The following KCNN2 variants were observed in gnomAD, a reference collection of about 807,000 sequenced individuals.
KCNN2 encodes the protein small conductance calcium-activated potassium channel protein 2.
In KCNN2, 24 loss-of-function variants were observed where a neutral mutation model predicts 55.5. The observed-to-expected ratio is 0.43, with a 90% CI of 0.31 to 0.61. The LOEUF is 0.61. Among genes scored for constraint, KCNN2 ranks in the 20% least tolerant of loss-of-function variants. The pLI is 0.08. For missense variants in KCNN2, 754 were observed against 853.6 expected (o/e 0.88, Z 1.45); for synonymous variants, 431 against 336.1 (o/e 1.28, Z -3.09).
At chr5:114,116,957 A>G (rs1267992481) in intron 1 of KCNN2, among the ~76,000 whole-genome samples, 1 of 152,138 alleles carries the variant, frequency 6.6e-6, no homozygotes, top group Non-Finnish European at 1.5e-5. Flanking sequence ...GGAGACAGTC[A>G]GACAGGTCTT....
chr5:114,182,057 T>C lies in KCNN2; in HGVS notation c.-270-39423T>C, dbSNP rs1001546495. On this transcript the variant is annotated intron_variant, in intron 1 of 10. Coordinates refer to the KCNN2 transcript ENST00000512097. ...TTGTGTATGTAAGGTGTGGGTTAGA[T>C]TTGATATTTTTAAAAATATGGATAT... Among the ~76,000 whole-genome samples, 8 of 152,290 alleles carry C rather than the reference T, an allele frequency of 5.3e-5. 2 individuals are homozygous for C. In the South Asian group the frequency reaches 1.0e-3, roughly 20 times the overall value.
chr5:114,274,450 G>T (rs1393248802), intron 2 of KCNN2, among the ~76,000 whole-genome samples: 6 of 152,146 alleles, frequency 3.9e-5, no homozygotes, highest in Admixed American at 3.3e-4. Flanking sequence ...TCATGATATT[G>T]ATTTTTCCTA....
chr5:114,176,667 T>A (rs937956431), intron 1 of KCNN2, among the ~76,000 whole-genome samples: 1 of 152,194 alleles, frequency 6.6e-6, no homozygotes, highest in Non-Finnish European at 1.5e-5. Flanking sequence ...ATGTCAAAGG[T>A]GTTCTTCTAC....
intron 3 of KCNN2, among the ~76,000 whole-genome samples, chr5:114,455,017 T>C (rs1760858328): frequency 6.6e-6 from 1 of 152,212 alleles, no homozygotes; most frequent in Non-Finnish European, 1.5e-5. Flanking sequence ...CTGGCTCTCT[T>C]GGGATTTTTT....
chr5:114,234,172 T>C (rs898115039), intron 2 of KCNN2, among the ~76,000 whole-genome samples: 7 of 152,230 alleles, frequency 4.6e-5, no homozygotes, highest in African/African-American at 1.7e-4. Flanking sequence ...GGAAGTTTTC[T>C]TCTGAATCCT....
At chr5:114,265,111 A>G (rs946617773) in intron 2 of KCNN2, among the ~76,000 whole-genome samples, 3 of 152,148 alleles carry the variant, frequency 2.0e-5, no homozygotes, top group African/African-American at 7.2e-5. Flanking sequence ...CTTGGTGAGG[A>G]GGTAGTATTT....
At chr5:114,115,689 GA>G (rs942562893) in intron 1 of KCNN2, among the ~76,000 whole-genome samples, 5 of 150,264 alleles carry the variant, frequency 3.3e-5, no homozygotes, top group South Asian at 2.1e-4. Context: ...CCCACTGAGG[GA>G]AAAAAAAAGG....
chr5:114,439,056 A>C (rs1332994725), intron 3 of KCNN2, among the ~76,000 whole-genome samples: 1 of 152,212 alleles, frequency 6.6e-6, no homozygotes, highest in Non-Finnish European at 1.5e-5. Context: ...ACAGTACATA[A>C]AAAAATCTGA....
At chr5:114,342,560 G>T (rs1757035490) in intron 2 of KCNN2, among the ~76,000 whole-genome samples, 1 of 152,186 alleles carries the variant, frequency 6.6e-6, no homozygotes, top group Non-Finnish European at 1.5e-5. Flanking sequence ...AGGCTTTCCA[G>T]AGTAAAGCCT....
intron 2 of KCNN2, among the ~76,000 whole-genome samples, chr5:114,353,833 C>T (rs1479722178): frequency 6.6e-6 from 1 of 151,882 alleles, no homozygotes; most frequent in Non-Finnish European, 1.5e-5. Flanking sequence ...CTCTCCTGTA[C>T]TTGGCATGTT....
intron 2 of KCNN2, among the ~76,000 whole-genome samples, chr5:114,348,149 G>A (rs1757146379): frequency 6.6e-6 from 1 of 151,964 alleles, no homozygotes; most frequent in South Asian, 2.1e-4. Context: ...TTTCTAAATT[G>A]CCACCAAAAA....
At chr5:114,134,569 G>A (rs1752135871) in intron 1 of KCNN2, among the ~76,000 whole-genome samples, 1 of 151,468 alleles carries the variant, frequency 6.6e-6, no homozygotes. Flanking sequence ...TCCGCCCTCC[G>A]AGTTCAAGCC....
intron 6 of KCNN2, among the ~76,000 whole-genome samples, chr5:114,491,658 T>C (rs753342650): frequency 4.2e-4 from 64 of 152,022 alleles, no homozygotes; most frequent in Non-Finnish European, 5.4e-4. Flanking sequence ...ATCTTAAGTA[T>C]CACTTAAAGG....
intron 1 of KCNN2, among the ~76,000 whole-genome samples, chr5:114,188,837 G>A (rs1039561239): frequency 6.6e-6 from 1 of 152,160 alleles, no homozygotes; most frequent in Admixed American, 6.5e-5. Flanking sequence ...TATACAACCT[G>A]TTCCTGGAGG....
intron 1 of KCNN2, among the ~76,000 whole-genome samples, chr5:114,138,236 A>T (rs895589785): frequency 6.6e-6 from 1 of 152,164 alleles, no homozygotes; most frequent in Non-Finnish European, 1.5e-5. Flanking sequence ...AGGTACCAAG[A>T]GAGTATTCTG....
At chr5:114,177,532 G>A (rs1281235913) in intron 1 of KCNN2, among the ~76,000 whole-genome samples, 2 of 151,522 alleles carry the variant, frequency 1.3e-5, no homozygotes, top group African/African-American at 4.8e-5. Flanking sequence ...TAGCCTTGGG[G>A]GACTTGTGAA....
chr5:114,450,307 C>T (rs973963804), intron 3 of KCNN2, among the ~76,000 whole-genome samples: 5 of 152,130 alleles, frequency 3.3e-5, no homozygotes, highest in African/African-American at 1.2e-4. Context: ...TGGGCCTGGT[C>T]GAGCATGGCT....
At chr5:114,448,346 C>A (rs114785443) in intron 3 of KCNN2, among the ~76,000 whole-genome samples, 1 of 152,114 alleles carries the variant, frequency 6.6e-6, no homozygotes, top group Non-Finnish European at 1.5e-5. Context: ...TGGGTCTTAG[C>A]GGTGATGGTT....
intron 1 of KCNN2, among the ~76,000 whole-genome samples, chr5:114,187,767 A>G (rs1753368151): frequency 6.6e-6 from 1 of 151,616 alleles, no homozygotes; most frequent in East Asian, 1.9e-4. Context: ...CGGCCTCCCA[A>G]AGTGCTAGGT....
Sources: allele counts gnomAD v4.1 joint callset (sites outside exome capture counted in the v4.1 genomes callset), GRCh38; gene constraint gnomAD v4.1.1; transcripts MANE v1.5; gene names NCBI Gene and HGNC (gene_info 2026-07-23, HGNC 2026-07-21).